NBAS: variants seen among roughly 807,000 people sequenced by gnomAD.
NBAS encodes NAG/BC035112 fusion.
NBAS carries 219 observed loss-of-function variants against 302.5 expected under a neutral mutation model. The observed-to-expected ratio is 0.72, with a 90% CI of 0.65 to 0.81. The LOEUF (loss-of-function observed/expected upper bound fraction) is 0.81, where lower values mean the gene tolerates loss of function less well. Among genes scored for constraint, NBAS ranks in the 30% least tolerant of loss-of-function variants. The pLI is 0.00. For missense variants in NBAS, 2,932 were observed against 2,841.6 expected (o/e 1.03, Z -0.72); for synonymous variants, 1,118 against 1,021.6 (o/e 1.09, Z -1.80).
intron 32 of NBAS, among the ~76,000 whole-genome samples, chr2:15,360,337 A>AC (rs1673841976): frequency 8.6e-6 from 1 of 115,944 alleles, no homozygotes; most frequent in East Asian, 2.0e-4. Flanking sequence ...ACTTAAAAAA[A>AC]AAAAAAAAAC....
chr2:15,354,435 A>T (rs1673517718), intron 33 of NBAS, among the ~76,000 whole-genome samples: 1 of 152,150 alleles, frequency 6.6e-6, no homozygotes, highest in South Asian at 2.1e-4. Context: ...TTTTTTTCTA[A>T]ATATGTGAAG....
intron 44 of NBAS, among the ~76,000 whole-genome samples, chr2:15,242,954 T>C (rs1211074940): frequency 1.3e-5 from 2 of 152,112 alleles, no homozygotes; most frequent in African/African-American, 4.8e-5. Context: ...AGAAACCACA[T>C]ATATCATGGG....
the NBAS span, among the ~76,000 whole-genome samples, chr2:15,036,454 T>C: frequency 1.3e-5 from 2 of 152,202 alleles, no homozygotes. Flanking sequence ...TTAGGTAAAG[T>C]CTTCAAGATC....
the NBAS span, among the ~76,000 whole-genome samples, chr2:15,126,940 G>A: frequency 2.4e-4 from 37 of 152,302 alleles, no homozygotes; most frequent in African/African-American, 7.7e-4. Flanking sequence ...CAAACAACCA[G>A]TAACACACAA....
chr2:14,995,207 C>G, the NBAS span, among the ~76,000 whole-genome samples: 1 of 152,126 alleles, frequency 6.6e-6, no homozygotes, highest in African/African-American at 2.4e-5. Context: ...CTATCCCTCC[C>G]CCCTGCCCCC....
At chr2:15,059,117 C>T in the NBAS span, among the ~76,000 whole-genome samples, 4 of 152,262 alleles carry the variant, frequency 2.6e-5, no homozygotes, top group South Asian at 6.2e-4. Flanking sequence ...AATCTGTCCC[C>T]AGACTGAGAT....
chr2:15,420,368 C>T (rs528841324), intron 23 of NBAS, among the ~76,000 whole-genome samples: 59 of 152,170 alleles, frequency 3.9e-4, no homozygotes, highest in Admixed American at 8.5e-4. Flanking sequence ...CTCAGCAGGG[C>T]GGTGGGAGTC....
intron 25 of NBAS, among the ~76,000 whole-genome samples, chr2:15,405,656 A>G (rs1307761955): frequency 6.6e-6 from 1 of 152,206 alleles, no homozygotes; most frequent in East Asian, 1.9e-4. Context: ...ATTATGCACT[A>G]TATACAACTA....
At chr2:14,808,722 G>T in the NBAS span, among the ~76,000 whole-genome samples, 1 of 152,204 alleles carries the variant, frequency 6.6e-6, no homozygotes, top group Non-Finnish European at 1.5e-5. Context: ...TGCTGAAAAT[G>T]CATAAGCAAC....
chr2:14,974,039 G>A, the NBAS span, among the ~76,000 whole-genome samples: 1 of 152,122 alleles, frequency 6.6e-6, no homozygotes, highest in Non-Finnish European at 1.5e-5. Context: ...ATTCCTCCAG[G>A]AGAAAAGGAC....
At chr2:14,791,285 C>T in the NBAS span, among the ~76,000 whole-genome samples, 1 of 152,200 alleles carries the variant, frequency 6.6e-6, no homozygotes, top group African/African-American at 2.4e-5. Flanking sequence ...GCCACCACAT[C>T]CGGCCTTCAT....
intron 16 of NBAS, among the ~76,000 whole-genome samples, chr2:15,468,947 CATCAAATTTCTGTATTT>C (rs1197028753): frequency 2.0e-5 from 3 of 152,124 alleles, no homozygotes; most frequent in Admixed American, 6.6e-5. Context: ...CAAATGAGCC[CATCAAATTTCTGTATTT>C]ATTTGACCAT....
chr2:15,302,572 A>C (rs778645285), intron 40 of NBAS, among the ~76,000 whole-genome samples: 1 of 152,192 alleles, frequency 6.6e-6, no homozygotes, highest in Non-Finnish European at 1.5e-5. Flanking sequence ...GGGTAGTGTG[A>C]CAACCAGGAA....
intron 11 of NBAS, among the ~76,000 whole-genome samples, chr2:15,489,699 G>A (rs1300772341): frequency 6.6e-6 from 1 of 152,196 alleles, no homozygotes; most frequent in East Asian, 1.9e-4. Flanking sequence ...CACAGAGGAA[G>A]AGTTATCCTT....
chr2:15,363,861 C>T (rs1000614681), intron 32 of NBAS, among the ~76,000 whole-genome samples: 9 of 152,184 alleles, frequency 5.9e-5, no homozygotes, highest in Non-Finnish European at 8.8e-5. Context: ...TACTTCTACA[C>T]ATAAAGTGGA....
At chr2:14,934,287 A>G in the NBAS span, among the ~76,000 whole-genome samples, 1 of 152,138 alleles carries the variant, frequency 6.6e-6, no homozygotes, top group Non-Finnish European at 1.5e-5. Flanking sequence ...TATTTTTTCC[A>G]TTGTCAATTT....
the NBAS span, among the ~76,000 whole-genome samples, chr2:14,798,899 T>C: frequency 1.3e-5 from 2 of 152,110 alleles, no homozygotes; most frequent in African/African-American, 4.8e-5. Flanking sequence ...ATCTGTAGAA[T>C]CTACAGTAAT....
the NBAS span, among the ~76,000 whole-genome samples, chr2:15,013,745 C>T: frequency 2.0e-5 from 3 of 152,126 alleles, no homozygotes; most frequent in Non-Finnish European, 4.4e-5. Flanking sequence ...GATCACACCA[C>T]TGCACACCCT....
At chr2:15,494,970 G>A (rs1681010779) in intron 11 of NBAS, among the ~76,000 whole-genome samples, 1 of 152,144 alleles carries the variant, frequency 6.6e-6, no homozygotes, top group African/African-American at 2.4e-5. Flanking sequence ...AGACTCTGTG[G>A]CAGCAATACA....
Sources: gnomAD v4.1 joint callset for allele counts (sites outside exome capture counted in the v4.1 genomes callset) on GRCh38, gnomAD v4.1.1 for gene constraint, MANE v1.5 for transcripts, NCBI Gene and HGNC (gene_info 2026-07-23, HGNC 2026-07-21) for gene names.